ERN2: variants seen among roughly 807,000 people sequenced by gnomAD.
The protein encoded by ERN2 is serine/threonine-protein kinase/endoribonuclease IRE2.
A neutral mutation model predicts 107.9 loss-of-function variants in ERN2; 111 were observed. The ratio of observed to expected loss-of-function variants is 1.03; its 90% CI spans 0.88 to 1.20. The LOEUF (loss-of-function observed/expected upper bound fraction) is 1.20, where lower values mean the gene tolerates loss of function less well. ERN2 is among the 50% of genes most tolerant of loss of function. The pLI, the probability that ERN2 is intolerant of heterozygous loss-of-function variation, is 0.00. For missense variants in ERN2, 1,225 were observed against 1,197.9 expected, an observed-to-expected ratio of 1.02 and a Z score of -0.33; for synonymous variants, 524 against 501.7, an observed-to-expected ratio of 1.04 and a Z score of -0.59.
intron 8 of ERN2, 88 bp from the exon 9 acceptor site, chr16:23,702,790 C>G: frequency 9.0e-7 from 1 of 1,116,282 alleles, no homozygotes. Context: ...TTGTATATTT[C>G]CCTCTCACAT....
At chr16:23,704,537 C>T (rs972688689) in intron 8 of ERN2, among the ~76,000 whole-genome samples, 9 of 152,176 alleles carry the variant, frequency 5.9e-5, no homozygotes, top group Non-Finnish European at 7.3e-5. Context: ...TCCCCAGCCA[C>T]GTGGAACTGA....
At chr16:23,707,304 C>T in intron 4 of ERN2, 2 of 552,120 alleles carry the variant, frequency 3.6e-6, no homozygotes. Flanking sequence ...GCTCCAGAGC[C>T]AGCACACTGA....
Position 23,700,703 on chromosome 16 carries a change from T to C in ERN2, c.1361A>G (p.Gln454Arg), listed in dbSNP as rs752212599. 1 of 1,611,514 alleles carries C rather than the reference T, an allele frequency of 6.2e-7. No individual in the cohort carries two copies. The highest frequency in any genetic ancestry group is 1.1e-5 in the South Asian group (1 of 90,636). ...GGWILFVMRQ[Q>R]QPQVVEKQQE... is the part of the protein sequence containing the mutation. ...CTGCTTCTCCACCACCTGCGGCTGTTGCTGTAACATGAGAGCCTAAGAGAG... is the reference window on the plus strand; with the variant it reads ...CTGCTTCTCCACCACCTGCGGCTGTCGCTGTAACATGAGAGCCTAAGAGAG... The change falls in exon 13 of 22, where the codon CAA becomes CGA. Residue 454 changes from glutamine to arginine, a missense_variant and splice_region_variant. Coordinates refer to ENST00000256797, the MANE Select transcript of ERN2 (RefSeq NM_033266.4).
At position 23,710,207 on chromosome 16, in the gene ERN2, A is replaced by T. The variant is rs1313480807; in HGVS notation, c.271T>A (p.Tyr91Asn). 1 of 1,614,042 alleles carries T rather than the reference A, an allele frequency of 6.2e-7. No homozygotes were observed. The highest frequency in any genetic ancestry group is 8.5e-7 in the Non-Finnish European group (1 of 1,179,890). The change falls in exon 4 of 22, where the codon TAC becomes AAC. Residue 91 changes from tyrosine (Y) to asparagine (N), a missense_variant. Transcript: ENST00000256797. ...TGTTGTTTTTGGGTCCCCAAGATGT[A>T]CAGGCTGCCATCTGCTGGGTCAGAG... ...FLSDPADGSL[Y>N]ILGTQKQQGL...
chr16:23,700,826 G>A (rs1450421851), intron 12 of ERN2, 122 bp from the exon 13 acceptor site: 2 of 1,457,768 alleles, frequency 1.4e-6, no homozygotes, highest in Non-Finnish European at 1.9e-6. Context: ...GATCGCAGGG[G>A]CCTGGGGAGC....
chr16:23,702,806 C>G, intron 8 of ERN2, 104 bp from the exon 9 acceptor site: 1 of 975,674 alleles, frequency 1.0e-6, no homozygotes, highest in East Asian at 2.4e-5. Flanking sequence ...CACATTGACT[C>G]AGCTTAGCCA....
chr16:23,695,114 A>G lies in ERN2; in HGVS notation c.1805T>C (p.Val602Ala). 6.2e-7 allele frequency: 1 copy of G among 1,614,030 alleles called. No individual in the cohort carries two copies. The highest frequency in any genetic ancestry group is 8.5e-7 in the Non-Finnish European group (1 of 1,179,974). ...CCCGCGATCCAGGTCCGGGTTTTCT[A>G]CGTACTGAGCAGCAGCAAGGGCCAA... ...ELCRASLQEY[V>A]ENPDLDRGGL... The change falls in exon 16 of 22, where the codon GTA becomes GCA. Residue 602 changes from valine (V) to alanine (A), a missense_variant. Coordinates refer to ENST00000256797, the MANE Select transcript of ERN2 (RefSeq NM_033266.4).
intron 11 of ERN2, 54 bp downstream of exon 11, chr16:23,702,098 C>T (rs976345715): frequency 2.3e-4 from 362 of 1,559,328 alleles, no homozygotes; most frequent in Non-Finnish European, 2.8e-4. Flanking sequence ...AAGGGCTATT[C>T]CCCCCATCTG....
At chr16:23,694,980 C>T (rs1334035768) in intron 16 of ERN2, 39 bp downstream of exon 16, 5 of 1,613,200 alleles carry the variant, frequency 3.1e-6, no homozygotes, top group Non-Finnish European at 4.2e-6. Context: ...AAGGCAGGGG[C>T]TAAGGACAGG....
intron 13 of ERN2, among the ~76,000 whole-genome samples, chr16:23,699,811 CTAT>C (rs752176302): frequency 6.6e-6 from 1 of 152,128 alleles, no homozygotes; most frequent in Non-Finnish European, 1.5e-5. Context: ...AGGTCGTTTA[CTAT>C]TATTGTTTCC....
chr16:23,713,054 G>A (rs1960605826), intron 1 of ERN2, 41 bp downstream of exon 1: 2 of 1,435,070 alleles, frequency 1.4e-6, no homozygotes, highest in South Asian at 2.8e-5. Flanking sequence ...TGCGCCCCGC[G>A]ACCAGACTTT....
chr16:23,709,549 A>G (rs1181884142), intron 4 of ERN2: 1 of 209,656 alleles, frequency 4.8e-6, no homozygotes, highest in Non-Finnish European at 9.8e-6. Flanking sequence ...AGCAAATGTG[A>G]CACAAACAGA....
rs1237600023 is a variant in ERN2 at position 23,706,709 on chromosome 16, G to C, written c.487+45C>G. On this transcript the variant is annotated intron_variant, in intron 6 of 21. Coordinates refer to ENST00000256797, the MANE Select transcript of ERN2 (RefSeq NM_033266.4). ...ACAGCTAGATCTCAGCAGAGCAAAA[G>C]GGGAGGCTGCCCAGAGCTTGAGGAA... The C allele has an allele frequency of 3.0e-6, 4 of 1,351,674 alleles. No individual in the cohort carries two copies. In the East Asian group the frequency reaches 9.1e-5, roughly 31 times the overall value. 83.7% of individuals were successfully genotyped at this position (1,351,674 alleles called of 1,614,324 possible). A position where few individuals can be genotyped will look rare whatever the true frequency, so the allele number is the denominator to read the frequency against.
Position 23,706,381 on chromosome 16 carries a change from T to A in ERN2, c.538A>T (p.Thr180Ser). The A allele has an allele frequency of 6.4e-7, 1 of 1,568,736 alleles. No homozygotes were observed. The highest frequency in any genetic ancestry group is 8.6e-7 in the Non-Finnish European group (1 of 1,156,914). Reference sequence around the variant, plus strand: ...GGCGCTGAGTAGCGGCGGTAGGTGGTGTTCCAGCGCAGGGCTGGGGCTCTT... The same window carrying A: ...GGCGCTGAGTAGCGGCGGTAGGTGGAGTTCCAGCGCAGGGCTGGGGCTCTT... ...DPRAPALRWNTTYRRYSAPPM... is the reference protein window; with the variant it reads ...DPRAPALRWNSTYRRYSAPPM... The change falls in exon 7 of 22, where the codon ACC becomes TCC. Residue 180 changes from threonine to serine, a missense_variant. By Grantham distance (58) the Thr-to-Ser change is moderately conservative. Transcript: ENST00000256797.
rs143299626 is a variant in ERN2 at position 23,699,239 on chromosome 16, T to C, written c.1525+1300A>G. ...GGCACAATGACCACAGAGGCGGACATTGCGAACAGCACTGGAGTATCAAGC... is the reference window on the plus strand; with the variant it reads ...GGCACAATGACCACAGAGGCGGACACTGCGAACAGCACTGGAGTATCAAGC... On this transcript the variant is annotated intron_variant, in intron 13 of 21. Transcript: ENST00000256797. Among the ~76,000 whole-genome samples, 684 of 152,260 alleles carry C rather than the reference T, an allele frequency of 4.5e-3. 4 individuals carry two copies. The highest frequency in any genetic ancestry group is 7.4e-3 in the Non-Finnish European group (502 of 68,004).
chr16:23,701,154 AC>A, intron 11 of ERN2, 40 bp from the exon 12 acceptor site: 1 of 1,591,160 alleles, frequency 6.3e-7, no homozygotes. Flanking sequence ...ACCCCCTTCC[AC>A]CAGGGAACCC....
Position 23,702,286 on chromosome 16 carries a change from G to A in ERN2, c.1082-13C>T, listed in dbSNP as rs187670402. The stretch of plus-strand genomic sequence containing the variant: ...AGCTCGTGGTGTCCTAAGGTGGGGG[G>A]CAAAAGTCATCAGGCTGAAGGGGAC... On this transcript the variant is annotated splice_polypyrimidine_tract_variant and intron_variant, in intron 10 of 21. Transcript: ENST00000256797. The A allele has an allele frequency of 2.5e-6, 4 of 1,613,794 alleles. No individual in the cohort carries two copies. Among genetic ancestry groups the A allele is most frequent in the Admixed American group, 1.7e-5 (1 of 59,984 alleles).
At chr16:23,709,199 G>A (rs1295457602) in intron 4 of ERN2, 2 of 455,496 alleles carry the variant, frequency 4.4e-6, no homozygotes, top group African/African-American at 2.0e-5. Flanking sequence ...AGGATACTGA[G>A]GTGCGAGGAT....
intron 4 of ERN2, among the ~76,000 whole-genome samples, chr16:23,708,450 G>A (rs546146955): frequency 2.1e-4 from 31 of 148,494 alleles, no homozygotes; most frequent in African/African-American, 7.2e-4. Flanking sequence ...TCTGCCTCCC[G>A]GGTACAAACG....
Sources: gnomAD v4.1 joint callset for allele counts (sites outside exome capture counted in the v4.1 genomes callset) on GRCh38, gnomAD v4.1.1 for gene constraint, MANE v1.5 for transcripts, NCBI Gene and HGNC (gene_info 2026-07-23, HGNC 2026-07-21) for gene names.